FBXO36: variants seen among roughly 807,000 people sequenced by gnomAD.
The protein encoded by FBXO36 is F-box protein 36.
FBXO36 carries 18 observed loss-of-function variants against 17.0 expected under a neutral mutation model. The observed-to-expected ratio is 1.06, with a 90% CI of 0.73 to 1.57. The LOEUF is 1.57. Ranked by LOEUF, FBXO36 falls within the 40% of genes most tolerant of loss-of-function variation. The probability of loss-of-function intolerance (pLI) is 0.00; values close to 1 mark genes in which losing one functional copy is unlikely to be tolerated. For synonymous variants in FBXO36, 83 were observed against 85.3 expected, an observed-to-expected ratio of 0.97 and a Z score of 0.15; for missense variants, 229 against 221.9, an observed-to-expected ratio of 1.03 and a Z score of -0.20.
intron 1 of FBXO36, among the ~76,000 whole-genome samples, chr2:229,938,223 T>TTTC (rs2106159345): frequency 1.5e-5 from 2 of 137,072 alleles, no homozygotes; most frequent in East Asian, 4.3e-4. Context: ...TTTCTTTTTT[T>TTTC]TTTTTTTTTT....
At position 230,011,677 on chromosome 2, in the gene FBXO36, G is replaced by T. The variant is rs1238992573; in HGVS notation, c.*793G>T. The T allele has an allele frequency of 1.5e-5, 2 of 133,536 alleles. No homozygotes were observed. The highest frequency in any genetic ancestry group is 4.3e-4 in the East Asian group (2 of 4,672). 8.3% of individuals were successfully genotyped at this position (133,536 alleles called of 1,614,324 possible). On this transcript the variant is annotated 3_prime_UTR_variant, in exon 4 of 4. Coordinates refer to ENST00000283946, the MANE Select transcript of FBXO36 (RefSeq NM_174899.5). Reference sequence around the variant, plus strand: ...TAGGCCAGGCTGGTCTTGAACTCCTGACCTCAAGTGATCTACCTGCTCTGG... The same window carrying T: ...TAGGCCAGGCTGGTCTTGAACTCCTTACCTCAAGTGATCTACCTGCTCTGG...
chr2:230,002,686 A>C (rs2077366374), intron 3 of FBXO36, among the ~76,000 whole-genome samples: 1 of 152,140 alleles, frequency 6.6e-6, no homozygotes, highest in East Asian at 1.9e-4. Context: ...GCCCGGCATT[A>C]ATTTTTTTCT....
intron 1 of FBXO36, among the ~76,000 whole-genome samples, chr2:229,941,224 G>A (rs1300430774): frequency 6.6e-6 from 1 of 152,148 alleles, no homozygotes; most frequent in South Asian, 2.1e-4. Flanking sequence ...GGGAGGCCGA[G>A]GCAGGCAGAT....
chr2:229,980,169 C>T (rs1463873151), intron 2 of FBXO36, among the ~76,000 whole-genome samples: 2 of 151,992 alleles, frequency 1.3e-5, no homozygotes, highest in Non-Finnish European at 2.9e-5. Context: ...TGCCACAGAG[C>T]CCCCGCCCCT....
chr2:229,939,340 C>A, intron 1 of FBXO36: 1 of 819,358 alleles, frequency 1.2e-6, no homozygotes, highest in Non-Finnish European at 1.5e-6. Context: ...GTCCTCTCGT[C>A]CCAAGATGAG....
chr2:230,007,356 A>T (rs2077392253), intron 3 of FBXO36, among the ~76,000 whole-genome samples: 1 of 152,218 alleles, frequency 6.6e-6, no homozygotes, highest in Non-Finnish European at 1.5e-5. Context: ...TTAGGAAGAA[A>T]ACCACTCCTC....
intron 2 of FBXO36, among the ~76,000 whole-genome samples, chr2:229,979,569 C>T (rs2077227562): frequency 1.3e-5 from 2 of 151,954 alleles, no homozygotes; most frequent in African/African-American, 4.8e-5. Flanking sequence ...CACCTGAGGT[C>T]AGGTGTTTGA....
At chr2:230,001,601 T>G (rs951655449) in intron 3 of FBXO36, among the ~76,000 whole-genome samples, 7 of 152,118 alleles carry the variant, frequency 4.6e-5, no homozygotes, top group African/African-American at 1.7e-4. Flanking sequence ...TAAGTTATTT[T>G]CATTTAACTA....
intron 1 of FBXO36, among the ~76,000 whole-genome samples, chr2:229,963,975 C>T (rs927218955): frequency 6.6e-6 from 1 of 152,128 alleles, no homozygotes; most frequent in Non-Finnish European, 1.5e-5. Flanking sequence ...AATAATATTT[C>T]AGTATGATTT....
chr2:229,976,297 T>C lies in FBXO36; in HGVS notation c.153T>C (p.Pro51=). 6 of 1,613,828 alleles carry C rather than the reference T, an allele frequency of 3.7e-6. No individual in the cohort carries two copies. Among genetic ancestry groups the C allele is most frequent in the Non-Finnish European group, 4.2e-6 (5 of 1,179,856 alleles). ...GGAGTGAGTATCGATCAACAAAACCTGGAGAAGCAAAAGAAACCCATGAAG... is the reference window on the plus strand; with the variant it reads ...GGAGTGAGTATCGATCAACAAAACCCGGAGAAGCAAAAGAAACCCATGAAG... ...SLRSEYRSTK[P]GEAKETHEDF... The change falls in exon 2 of 4, where the codon CCT becomes CCC. Residue 51 remains proline (P), a synonymous_variant. Transcript: ENST00000283946.
intron 3 of FBXO36, among the ~76,000 whole-genome samples, chr2:230,007,944 G>C (rs2077395494): frequency 6.6e-6 from 1 of 152,092 alleles, no homozygotes; most frequent in African/African-American, 2.4e-5. Context: ...GGTCTGGCTG[G>C]TCTCAAACTC....
intron 1 of FBXO36, among the ~76,000 whole-genome samples, chr2:229,935,467 C>T (rs2076959276): frequency 6.6e-6 from 1 of 152,028 alleles, no homozygotes; most frequent in Non-Finnish European, 1.5e-5. Flanking sequence ...GAGCCAAGAT[C>T]GCACCATCAC....
intron 1 of FBXO36, among the ~76,000 whole-genome samples, chr2:229,949,262 T>C (rs1366345819): frequency 6.6e-6 from 1 of 152,224 alleles, no homozygotes; most frequent in East Asian, 1.9e-4. Flanking sequence ...TTTTGTCAAG[T>C]GTAACGTGTG....
rs550722241 is a variant in FBXO36 at position 229,926,698 on chromosome 2, C to A, written c.96+4089C>A. Among the ~76,000 whole-genome samples, 7 of 150,068 alleles carry A rather than the reference C, an allele frequency of 4.7e-5. 1 individual carries two copies. The South Asian group carries it at 1.5e-3, about 32-fold the overall frequency. On this transcript the variant is annotated intron_variant, in intron 1 of 3. Coordinates refer to ENST00000283946, the MANE Select transcript of FBXO36 (RefSeq NM_174899.5). Reference sequence around the variant, plus strand: ...GACAAAGGTTGCAGTGAGCCGAGATCTCACCACTGGGCAACAGAGTGAGAC... The same window carrying A: ...GACAAAGGTTGCAGTGAGCCGAGATATCACCACTGGGCAACAGAGTGAGAC...
Position 230,010,936 on chromosome 2 carries a change from A to G in FBXO36, c.*52A>G. Reference sequence around the variant, plus strand: ...CTCAGGCATGGCTGTGTTTCTCTTCAGTGTCCAAATCTCTTCTGTCTCCTT... The same window carrying G: ...CTCAGGCATGGCTGTGTTTCTCTTCGGTGTCCAAATCTCTTCTGTCTCCTT... On this transcript the variant is annotated 3_prime_UTR_variant, in exon 4 of 4. Coordinates refer to ENST00000283946, the MANE Select transcript of FBXO36 (RefSeq NM_174899.5). 4 of 1,514,076 alleles carry G rather than the reference A, an allele frequency of 2.6e-6. No homozygotes were observed. Among genetic ancestry groups the G allele is most frequent in the Non-Finnish European group, 3.6e-6 (4 of 1,121,104 alleles). The allele number at this position is 1,514,076 out of a possible 1,614,324, so 93.8% of individuals were successfully genotyped here.
chr2:229,981,744 A>T (rs1232936761), intron 2 of FBXO36, among the ~76,000 whole-genome samples: 1 of 152,024 alleles, frequency 6.6e-6, no homozygotes, highest in Admixed American at 6.6e-5. Flanking sequence ...AAAAGAAAAA[A>T]AAAATTCCCA....
At chr2:229,940,045 A>G (rs886806513) in intron 1 of FBXO36, among the ~76,000 whole-genome samples, 6 of 152,090 alleles carry the variant, frequency 3.9e-5, no homozygotes, top group African/African-American at 1.4e-4. Flanking sequence ...GCGCCACTGC[A>G]TTGCAGCCTG....
chr2:229,931,416 C>G (rs1230227356), intron 1 of FBXO36, among the ~76,000 whole-genome samples: 1 of 152,152 alleles, frequency 6.6e-6, no homozygotes, highest in Non-Finnish European at 1.5e-5. Context: ...GTCACGGATC[C>G]TTTCATTCCT....
chr2:229,923,681 T>A (rs184615136), intron 1 of FBXO36, among the ~76,000 whole-genome samples: 21 of 149,578 alleles, frequency 1.4e-4, no homozygotes, highest in Admixed American at 4.0e-4. Context: ...CCAAAAAAAA[T>A]TTTTTTTAAA....
Sources: gnomAD v4.1 joint callset for allele counts (sites outside exome capture counted in the v4.1 genomes callset) on GRCh38, gnomAD v4.1.1 for gene constraint, MANE v1.5 for transcripts, NCBI Gene and HGNC (gene_info 2026-07-23, HGNC 2026-07-21) for gene names.